The following HPSE2 variants were observed in gnomAD, a reference collection of about 807,000 sequenced individuals.
The protein encoded by HPSE2 is heparanase 2 (inactive).
In HPSE2, 38 loss-of-function variants were observed where a neutral mutation model predicts 60.5. That is an observed-to-expected ratio of 0.63 (90% CI 0.48 to 0.82). The LOEUF is 0.82. Ranked by LOEUF, HPSE2 falls within the 40% of genes least tolerant of loss-of-function variation. The pLI is 0.00. For missense variants in HPSE2, 713 were observed against 740.4 expected (o/e 0.96, Z 0.43); for synonymous variants, 295 against 293.2 (o/e 1.01, Z -0.06).
At chr10:99,020,007 G>A (rs1045714373) in intron 3 of HPSE2, among the ~76,000 whole-genome samples, 26 of 151,912 alleles carry the variant, frequency 1.7e-4, no homozygotes, top group Admixed American at 1.3e-3. Context: ...CCACCGCACC[G>A]AGCCTATTCA....
chr10:99,293,602 C>T, the HPSE2 span, among the ~76,000 whole-genome samples: 1 of 152,066 alleles, frequency 6.6e-6, no homozygotes, highest in African/African-American at 2.4e-5. Context: ...TCAAGTGAAA[C>T]ATAACTGATT....
chr10:99,262,312 T>G, the HPSE2 span, among the ~76,000 whole-genome samples: 2 of 152,162 alleles, frequency 1.3e-5, no homozygotes, highest in African/African-American at 4.8e-5. Flanking sequence ...TATGCACTCC[T>G]TTTTAGTTAT....
chr10:98,811,135 T>C (rs914352322), intron 3 of HPSE2, among the ~76,000 whole-genome samples: 3 of 152,168 alleles, frequency 2.0e-5, no homozygotes, highest in Non-Finnish European at 2.9e-5. Flanking sequence ...CCATAGGTAG[T>C]TTCCTTTGCC....
intron 2 of HPSE2, among the ~76,000 whole-genome samples, chr10:99,172,976 C>A (rs1564866964): frequency 6.6e-6 from 1 of 152,178 alleles, no homozygotes; most frequent in Non-Finnish European, 1.5e-5. Context: ...AAGTACAAGT[C>A]TATCTAATGG....
chr10:99,216,438 G>A (rs1367061227), intron 2 of HPSE2, among the ~76,000 whole-genome samples: 2 of 151,448 alleles, frequency 1.3e-5, no homozygotes, highest in Non-Finnish European at 2.9e-5. Context: ...CAGGTGATCC[G>A]CCCGCCTCGG....
At chr10:98,671,036 A>T (rs958368869) in intron 6 of HPSE2, among the ~76,000 whole-genome samples, 2 of 152,200 alleles carry the variant, frequency 1.3e-5, no homozygotes, top group South Asian at 2.1e-4. Flanking sequence ...TGTTAAAAAA[A>T]TTTTGGATTT....
chr10:98,535,931 G>C (rs1281161512), intron 9 of HPSE2, among the ~76,000 whole-genome samples: 1 of 152,058 alleles, frequency 6.6e-6, no homozygotes, highest in Non-Finnish European at 1.5e-5. Flanking sequence ...ACTGGGCTTG[G>C]AGTGGAGAAG....
At chr10:99,093,658 C>A (rs190360415) in intron 3 of HPSE2, among the ~76,000 whole-genome samples, 4 of 152,280 alleles carry the variant, frequency 2.6e-5, no homozygotes, top group Middle Eastern at 3.4e-3. Context: ...CTCCCAAAAG[C>A]ACTTTTATAG....
chr10:99,145,986 T>C (rs1846039040), intron 2 of HPSE2, among the ~76,000 whole-genome samples: 1 of 152,210 alleles, frequency 6.6e-6, no homozygotes, highest in Non-Finnish European at 1.5e-5. Context: ...GCAGTATTTA[T>C]GCCTAAACAT....
At chr10:99,083,141 C>T (rs887897748) in intron 3 of HPSE2, among the ~76,000 whole-genome samples, 6 of 152,152 alleles carry the variant, frequency 3.9e-5, no homozygotes, top group African/African-American at 1.2e-4. Flanking sequence ...GAAGCCAAGC[C>T]TTCAAGCATG....
At chr10:98,640,284 A>G (rs1383118720) in intron 7 of HPSE2, among the ~76,000 whole-genome samples, 1 of 152,250 alleles carries the variant, frequency 6.6e-6, no homozygotes, top group African/African-American at 2.4e-5. Context: ...AATGAATATC[A>G]AACAGGGACT....
chr10:99,142,603 C>T (rs1845901081), intron 3 of HPSE2, among the ~76,000 whole-genome samples: 1 of 152,168 alleles, frequency 6.6e-6, no homozygotes, highest in South Asian at 2.1e-4. Flanking sequence ...AGGAAAGAGG[C>T]TCTTCTCTAG....
At chr10:98,645,845 G>A (rs1946754183) in intron 6 of HPSE2, among the ~76,000 whole-genome samples, 1 of 152,022 alleles carries the variant, frequency 6.6e-6, no homozygotes, top group African/African-American at 2.4e-5. Context: ...CGTGGTGGGG[G>A]GCGCCTGTAG....
At chr10:98,908,683 CAAAAAAAAAAAA>C (rs35913499) in intron 3 of HPSE2, among the ~76,000 whole-genome samples, 7 of 66,108 alleles carry the variant, frequency 1.1e-4, no homozygotes, top group South Asian at 8.9e-4. Context: ...AGCTCCATCT[CAAAAAAAAAAAA>C]AAAAAAAAAA....
intron 3 of HPSE2, among the ~76,000 whole-genome samples, chr10:99,064,684 A>G (rs1292200118): frequency 6.6e-6 from 1 of 151,704 alleles, no homozygotes; most frequent in Non-Finnish European, 1.5e-5. Context: ...AGTTTTGCCA[A>G]TTATTAAAAA....
intron 3 of HPSE2, among the ~76,000 whole-genome samples, chr10:98,749,947 T>TATATATATATACACAC: frequency 6.1e-5 from 6 of 98,464 alleles, no homozygotes; most frequent in Admixed American, 1.1e-4. Flanking sequence ...TATATATATA[T>TATATATATATACACAC]ACACACACAC....
chr10:98,622,129 T>C (rs1321772383), intron 7 of HPSE2, among the ~76,000 whole-genome samples: 2 of 152,186 alleles, frequency 1.3e-5, no homozygotes. Context: ...GGATATACAC[T>C]ATACAATATT....
chr10:98,977,906 T>C (rs576637205), intron 3 of HPSE2, among the ~76,000 whole-genome samples: 25 of 150,546 alleles, frequency 1.7e-4, no homozygotes, highest in Non-Finnish European at 3.1e-4. Context: ...TACTAATTTT[T>C]ATGGTGTATA....
chr10:98,914,144 C>T (rs1046738436), intron 3 of HPSE2, among the ~76,000 whole-genome samples: 3 of 152,160 alleles, frequency 2.0e-5, no homozygotes, highest in Non-Finnish European at 4.4e-5. Context: ...ATTATGGGGA[C>T]AGGTCTTTCC....
Sources: gnomAD v4.1 joint callset for allele counts (sites outside exome capture counted in the v4.1 genomes callset) on GRCh38, gnomAD v4.1.1 for gene constraint, MANE v1.5 for transcripts, NCBI Gene and HGNC (gene_info 2026-07-23, HGNC 2026-07-21) for gene names.